The following STARD9 variants were observed in gnomAD, a reference collection of about 807,000 sequenced individuals.
The protein encoded by STARD9 is stAR-related lipid transfer protein 9.
Under a neutral mutation model 399.8 loss-of-function variants are expected in STARD9, and 346 were observed. That is an observed-to-expected ratio of 0.87 (90% CI 0.79 to 0.95). The LOEUF (loss-of-function observed/expected upper bound fraction) is 0.95. Ranked by LOEUF, STARD9 falls within the 40% of genes least tolerant of loss-of-function variation. The probability of loss-of-function intolerance (pLI) is 0.00; values close to 1 mark genes in which losing one functional copy is unlikely to be tolerated. For synonymous variants in STARD9, 2,203 were observed against 2,143.5 expected, an observed-to-expected ratio of 1.03 and a Z score of -0.77; for missense variants, 5,832 against 5,667.5, an observed-to-expected ratio of 1.03 and a Z score of -0.93.
chr15:42,684,678 C>A lies in STARD9; in HGVS notation c.3100C>A (p.Pro1034Thr). The A allele has an allele frequency of 6.5e-7, 1 of 1,537,110 alleles. No homozygotes were observed. The highest frequency in any genetic ancestry group is 8.7e-7 in the Non-Finnish European group (1 of 1,146,888). Residue 1034 changes from proline (P) to threonine (T), a missense_variant, in exon 23 of 33, where the codon CCA becomes ACA. By Grantham distance (38) the Pro-to-Thr change is conservative. Transcript: ENST00000290607. Reference sequence around the variant, plus strand: ...CAAGACTTTTTGGACAGAATACAAACCACCTTCTCCAAGCAGGGCATCAAA... The same window carrying A: ...CAAGACTTTTTGGACAGAATACAAAACACCTTCTCCAAGCAGGGCATCAAA... ...AVKTFWTEYKPPSPSRASKRH... is the reference protein window; with the variant it reads ...AVKTFWTEYKTPSPSRASKRH...
At position 42,693,804 on chromosome 15, in the gene STARD9, CCTT is replaced by C. The variant is rs756812178; in HGVS notation, c.12231_12233del (p.Ser4078del). On this transcript the variant is annotated inframe_deletion, in exon 23 of 33. Transcript: ENST00000290607. ...GGAACCACAACGCACTCTGGACCGA[CCTT>C]CTTCATGGGGAGGCCTCCAGCACCT... is the stretch of plus-strand genomic sequence containing the variant. The C allele has an allele frequency of 3.1e-5, 48 of 1,536,376 alleles. No homozygotes were observed. In the South Asian group the frequency reaches 3.9e-4, roughly 13 times the overall value.
At position 42,684,258 on chromosome 15, in the gene STARD9, G is replaced by T; in HGVS notation, c.2680G>T (p.Gly894Cys). ...AAGGACAGGGTGCCTCCGCAAGAAC[G>T]GCCTGCATTCCTCAGGTCATGGGCA... ...PARTGCLRKN[G>C]LHSSGHGQPC... The change falls in exon 23 of 33, where the codon GGC becomes TGC. Residue 894 changes from glycine to cysteine, a missense_variant. Coordinates refer to ENST00000290607, the MANE Select transcript of STARD9 (RefSeq NM_020759.3). 1 of 1,537,246 alleles carries T rather than the reference G, an allele frequency of 6.5e-7. No individual in the cohort carries two copies. Among genetic ancestry groups the T allele is most frequent in the Non-Finnish European group, 8.7e-7 (1 of 1,146,910 alleles).
chr15:42,676,149 G>A (rs2060307863), intron 20 of STARD9, among the ~76,000 whole-genome samples, 174 bp downstream of exon 20: 1 of 152,200 alleles, frequency 6.6e-6, no homozygotes, highest in Non-Finnish European at 1.5e-5. Flanking sequence ...TAGCTGCTAA[G>A]TTCGTAGTTG....
chr15:42,626,621 C>T (rs2059230136), intron 3 of STARD9, among the ~76,000 whole-genome samples: 4 of 151,950 alleles, frequency 2.6e-5, no homozygotes, highest in Admixed American at 2.6e-4. Context: ...TTGTCTCAGC[C>T]TCCTGAGTAG....
chr15:42,615,553 A>G (rs749291426), intron 3 of STARD9, among the ~76,000 whole-genome samples: 3 of 151,872 alleles, frequency 2.0e-5, no homozygotes, highest in Admixed American at 2.0e-4. Context: ...TCCCATATAT[A>G]TATATGGGTT....
At chr15:42,583,301 G>C in intron 1 of STARD9, 45 bp from the exon 2 acceptor site, 1 of 1,457,748 alleles carries the variant, frequency 6.9e-7, no homozygotes, top group Non-Finnish European at 9.2e-7. Context: ...CTTTTTTCTT[G>C]ATTTTAAAAA....
At chr15:42,615,284 C>T (rs1566876039) in intron 3 of STARD9, among the ~76,000 whole-genome samples, 1 of 152,116 alleles carries the variant, frequency 6.6e-6, no homozygotes, top group East Asian at 1.9e-4. Context: ...GCTGGGATTA[C>T]AGGCATGAGC....
chr15:42,581,956 A>G (rs2058181442), intron 1 of STARD9, among the ~76,000 whole-genome samples: 1 of 152,106 alleles, frequency 6.6e-6, no homozygotes, highest in African/African-American at 2.4e-5. Context: ...TTCAATACCA[A>G]TCTGTGTCGT....
At position 42,638,621 on chromosome 15, in the gene STARD9, ACCT is replaced by A. The variant is rs776235477; in HGVS notation, c.447-75_447-73del. ...AAGTGGAGCTGGAACAAGAACTAAG[ACCT>A]CCTGATTTTTAGCTCAATGTTGTTT... On this transcript the variant is annotated intron_variant, in intron 6 of 32. Coordinates refer to ENST00000290607, the MANE Select transcript of STARD9 (RefSeq NM_020759.3). 4.6e-4 allele frequency: 430 copies of A among 944,892 alleles called. 1 individual carries two copies. Among genetic ancestry groups the A allele is most frequent in the Non-Finnish European group, 4.9e-4 (311 of 632,360 alleles). The allele number at this position is 944,892 out of a possible 1,614,324, so 58.5% of individuals were successfully genotyped here.
intron 16 of STARD9, chr15:42,674,028 A>G (rs1432618024): frequency 6.6e-6 from 3 of 457,578 alleles, no homozygotes; most frequent in African/African-American, 6.0e-5. Context: ...TACTGGATCA[A>G]ACTTGGACCA....
chr15:42,583,200 C>T (rs1198711681), intron 1 of STARD9, 146 bp from the exon 2 acceptor site: 10 of 595,282 alleles, frequency 1.7e-5, no homozygotes, highest in Admixed American at 6.1e-5. Flanking sequence ...CTGCTTGATG[C>T]GACGCTTATA....
chr15:42,657,152 T>C (rs2059892908), intron 9 of STARD9, among the ~76,000 whole-genome samples: 1 of 151,350 alleles, frequency 6.6e-6, no homozygotes. Context: ...ACGTTAGGAG[T>C]TTGAGACCAG....
chr15:42,603,537 A>G (rs912556644), intron 3 of STARD9, among the ~76,000 whole-genome samples: 8 of 152,198 alleles, frequency 5.3e-5, no homozygotes, highest in African/African-American at 1.9e-4. Flanking sequence ...CAATTTACCG[A>G]GACAGTGGAA....
intron 3 of STARD9, among the ~76,000 whole-genome samples, chr15:42,595,145 C>A (rs1326284736): frequency 6.6e-6 from 1 of 152,026 alleles, no homozygotes; most frequent in Non-Finnish European, 1.5e-5. Flanking sequence ...ATGACTGAAA[C>A]TGAGGAGGGA....
chr15:42,625,159 T>C (rs1268473312), intron 3 of STARD9, among the ~76,000 whole-genome samples: 1 of 152,048 alleles, frequency 6.6e-6, no homozygotes, highest in Non-Finnish European at 1.5e-5. Context: ...CCCAAGTAGC[T>C]GGGATTACAG....
chr15:42,697,509 T>C (rs2060869874), intron 26 of STARD9, among the ~76,000 whole-genome samples: 1 of 152,184 alleles, frequency 6.6e-6, no homozygotes, highest in South Asian at 2.1e-4. Context: ...GGCACAAATA[T>C]ATACACATAC....
chr15:42,604,276 C>G (rs1197757939), intron 3 of STARD9, among the ~76,000 whole-genome samples: 3 of 152,156 alleles, frequency 2.0e-5, no homozygotes, highest in African/African-American at 7.2e-5. Context: ...TCTTACCTGT[C>G]TCTTAAATCA....
rs577335069 is a variant in STARD9 at position 42,575,824 on chromosome 15, G to C, written c.47+62G>C. 23 of 1,486,546 alleles carry C rather than the reference G, an allele frequency of 1.5e-5. No homozygotes were observed. The South Asian group carries it at 2.2e-4, about 14-fold the overall frequency. 92.1% of individuals were successfully genotyped at this position (1,486,546 alleles called of 1,614,324 possible). A position where few individuals can be genotyped will look rare whatever the true frequency, so the allele number is the denominator to read the frequency against. On this transcript the variant is annotated intron_variant, in intron 1 of 32. Transcript: ENST00000290607. ...AGGAGCTGAAAAGAGCGGGAGGTCCGCGTCTCCCCCTGCAGAGATTCTGGC... is the reference window on the plus strand; with the variant it reads ...AGGAGCTGAAAAGAGCGGGAGGTCCCCGTCTCCCCCTGCAGAGATTCTGGC...
At position 42,687,168 on chromosome 15, in the gene STARD9, A is replaced by G. The variant is rs2060579566; in HGVS notation, c.5590A>G (p.Lys1864Glu). The G allele has an allele frequency of 2.6e-6, 4 of 1,536,766 alleles. No individual in the cohort carries two copies. Among genetic ancestry groups the G allele is most frequent in the Non-Finnish European group, 2.6e-6 (3 of 1,146,490 alleles). ...ACATTTTCTCCCCTCTACCAGCACAAAAGTATGTGAATTTGAAAACCAAGT... is the reference window on the plus strand; with the variant it reads ...ACATTTTCTCCCCTCTACCAGCACAGAAGTATGTGAATTTGAAAACCAAGT... ...NRHFLPSTST[K>E]VCEFENQVVI... The change falls in exon 23 of 33, where the codon AAA (lysine) becomes GAA (glutamate). Residue 1864 changes from lysine (K) to glutamate (E), a missense_variant. Physicochemically the swap from Lys to Glu is moderately conservative, Grantham distance 56 (BLOSUM62 1). Coordinates refer to ENST00000290607, the MANE Select transcript of STARD9 (RefSeq NM_020759.3).
Sources: allele counts gnomAD v4.1 joint callset (sites outside exome capture counted in the v4.1 genomes callset), GRCh38; gene constraint gnomAD v4.1.1; transcripts MANE v1.5; gene names NCBI Gene and HGNC (gene_info 2026-07-23, HGNC 2026-07-21).